Variants in DIS3L2 observed in about 807,000 individuals in gnomAD.
DIS3L2 encodes the protein DIS3 like 3'-5' exoribonuclease 2, also known as DIS3-like exonuclease 2.
A neutral mutation model predicts 97.5 loss-of-function variants in DIS3L2; 34 were observed. The observed-to-expected ratio is 0.35, with a 90% CI of 0.27 to 0.46. DIS3L2 has a LOEUF of 0.46. Among genes scored for constraint, DIS3L2 ranks in the 20% least tolerant of loss-of-function variants. The probability of loss-of-function intolerance (pLI) is 1.00; values close to 1 mark genes in which losing one functional copy is unlikely to be tolerated. For synonymous variants in DIS3L2, 435 were observed against 445.2 expected (o/e 0.98, Z 0.29); for missense variants, 1,038 against 1,146.0 (o/e 0.91, Z 1.36).
chr2:232,263,481 C>A, intron 13 of DIS3L2, 41 bp downstream of exon 13: 1 of 1,600,690 alleles, frequency 6.2e-7, no homozygotes, highest in South Asian at 1.1e-5. Flanking sequence ...AGATTTGACT[C>A]GTGCCTGAAC....
At chr2:232,304,296 C>T (rs1694933397) in intron 14 of DIS3L2, among the ~76,000 whole-genome samples, 1 of 152,096 alleles carries the variant, frequency 6.6e-6, no homozygotes, top group African/African-American at 2.4e-5. Flanking sequence ...GGAACAAGAC[C>T]TTCAGGAGTG....
chr2:232,205,091 T>C (rs1432349417), intron 9 of DIS3L2, among the ~76,000 whole-genome samples: 1 of 152,088 alleles, frequency 6.6e-6, no homozygotes, highest in Admixed American at 6.5e-5. Flanking sequence ...TAGTCTAGGC[T>C]GCATCTTTCT....
intron 10 of DIS3L2, among the ~76,000 whole-genome samples, chr2:232,211,290 G>GA (rs1692185158): frequency 2.0e-5 from 3 of 150,948 alleles, no homozygotes; most frequent in African/African-American, 7.3e-5. Context: ...GACTACAGGT[G>GA]TGTGCCACCA....
chr2:232,109,076 CACAAAAGT>C lies in DIS3L2; in HGVS notation c.601+21356_601+21363del, dbSNP rs547275013. 1.6e-3 allele frequency among the ~76,000 whole-genome samples: 246 copies of C among 152,246 alleles called. 4 individuals carry two copies. The highest frequency in any genetic ancestry group is 2.7e-3 in the Non-Finnish European group (185 of 68,026). The stretch of plus-strand genomic sequence containing the variant: ...AACTATTTTAAAATTCATATGGAAC[CACAAAAGT>C]GCCTGAATAGCCAAGGCGATCCCAA... On this transcript the variant is annotated intron_variant, in intron 6 of 20. Transcript: ENST00000325385.
In DIS3L2 at chr2:232,268,041, CTGTT is replaced by C. The variant is rs1476624538; in HGVS notation, c.1659+4604_1659+4607del. On this transcript the variant is annotated intron_variant, in intron 13 of 20. Coordinates refer to ENST00000325385, the MANE Select transcript of DIS3L2 (RefSeq NM_152383.5). This position sits in a 1 kb window ranked among gnomAD's most constrained non-coding sequence, Gnocchi z 4.1. ...CAGGTGGCAGTACCCAGAAGCCACT[CTGTT>C]TGAGGGCTTCCATGTAAAATAAGCA... Among the ~76,000 whole-genome samples, 5 of 152,328 alleles carry C rather than the reference CTGTT, an allele frequency of 3.3e-5. 1 individual carries two copies. Among genetic ancestry groups the C allele is most frequent in the African/African-American group, 1.2e-4 (5 of 41,572 alleles).
intron 6 of DIS3L2, among the ~76,000 whole-genome samples, chr2:232,108,814 CA>C (rs1205365480): frequency 6.6e-6 from 1 of 152,046 alleles, no homozygotes; most frequent in Admixed American, 6.5e-5. Flanking sequence ...ACAATTGCCA[CA>C]AGAAGAATAA....
chr2:232,163,026 A>G (rs1690698212), intron 8 of DIS3L2, among the ~76,000 whole-genome samples: 1 of 152,176 alleles, frequency 6.6e-6, no homozygotes, highest in Admixed American at 6.5e-5. Flanking sequence ...AATATTTTAA[A>G]ATTTTAAAGA....
chr2:232,326,501 C>T (rs1695580854), intron 14 of DIS3L2, among the ~76,000 whole-genome samples: 1 of 152,236 alleles, frequency 6.6e-6, no homozygotes, highest in Non-Finnish European at 1.5e-5. Context: ...CCTTCATTCA[C>T]TCCTACTCAT....
At chr2:232,246,278 G>A (rs937550886) in intron 11 of DIS3L2, among the ~76,000 whole-genome samples, 1 of 152,244 alleles carries the variant, frequency 6.6e-6, no homozygotes, top group African/African-American at 2.4e-5. Context: ...GCAATGAGCT[G>A]AATCTGAAAG....
chr2:232,070,041 G>A (rs769049162), intron 5 of DIS3L2, among the ~76,000 whole-genome samples: 1 of 152,180 alleles, frequency 6.6e-6, no homozygotes, highest in Non-Finnish European at 1.5e-5. Context: ...ACAGTAAAGA[G>A]TATGAGTCAA....
intron 5 of DIS3L2, among the ~76,000 whole-genome samples, chr2:232,054,741 A>G (rs1410627427): frequency 6.6e-6 from 1 of 152,220 alleles, no homozygotes; most frequent in Non-Finnish European, 1.5e-5. Flanking sequence ...TCTGGAGAAC[A>G]GAAAAATGTT....
At chr2:232,015,810 A>G (rs940516446) in intron 3 of DIS3L2, 139 bp downstream of exon 3, 6 of 874,870 alleles carry the variant, frequency 6.9e-6, no homozygotes, top group Non-Finnish European at 1.0e-5. Flanking sequence ...ATGGCATAAC[A>G]GAGATGATGA....
chr2:232,155,817 C>T (rs559697411), intron 8 of DIS3L2, among the ~76,000 whole-genome samples: 13 of 152,016 alleles, frequency 8.6e-5, no homozygotes, highest in African/African-American at 1.4e-4. Context: ...GGTGAAACCC[C>T]GTCTCTACTA....
intron 1 of DIS3L2, among the ~76,000 whole-genome samples, chr2:231,999,644 C>T (rs545386413): frequency 1.3e-5 from 2 of 152,232 alleles, no homozygotes; most frequent in East Asian, 3.9e-4. Context: ...CTCACTCATA[C>T]TTCTATAAAA....
intron 14 of DIS3L2, among the ~76,000 whole-genome samples, chr2:232,324,920 C>G (rs1695531834): frequency 6.6e-6 from 1 of 152,192 alleles, no homozygotes; most frequent in Admixed American, 6.5e-5. Flanking sequence ...ATGGCAGGGC[C>G]AGGAGAGGGG....
chr2:232,148,342 C>T (rs1011030069), intron 8 of DIS3L2, among the ~76,000 whole-genome samples: 5 of 152,186 alleles, frequency 3.3e-5, no homozygotes, highest in Admixed American at 6.5e-5. Flanking sequence ...CCACCGCACC[C>T]GGCCAAGATA....
intron 11 of DIS3L2, among the ~76,000 whole-genome samples, chr2:232,248,294 A>G (rs1236409062): frequency 6.6e-6 from 1 of 152,214 alleles, no homozygotes; most frequent in Admixed American, 6.5e-5. Context: ...CATGCTCAAC[A>G]CTGCAAGCCA....
chr2:232,115,305 A>G (rs74578127), intron 6 of DIS3L2, among the ~76,000 whole-genome samples: 4 of 149,390 alleles, frequency 2.7e-5, no homozygotes, highest in Admixed American at 6.7e-5. Flanking sequence ...AGATTTTTTT[A>G]AAAAAAAAAG....
At chr2:232,333,760 A>ACC in intron 16 of DIS3L2, 80 bp from the exon 17 acceptor site, 1 of 1,417,440 alleles carries the variant, frequency 7.1e-7, no homozygotes. Context: ...GCCGACGGTG[A>ACC]GGCTGTGGGT....
Sources: gnomAD v4.1 joint callset for allele counts (sites outside exome capture counted in the v4.1 genomes callset) on GRCh38, gnomAD v4.1.1 for gene constraint, Gnocchi (gnomAD v3.1) non-coding constraint, MANE v1.5 for transcripts, NCBI Gene and HGNC (gene_info 2026-07-23, HGNC 2026-07-21) for gene names.